ZBTB43: variants seen among roughly 807,000 people sequenced by gnomAD.
The protein encoded by ZBTB43 is zinc finger and BTB domain-containing protein 43.
ZBTB43 carries 6 observed loss-of-function variants against 31.1 expected under a neutral mutation model. The ratio of observed to expected loss-of-function variants is 0.19; its 90% CI spans 0.11 to 0.38. The LOEUF is 0.38. Among genes scored for constraint, ZBTB43 ranks in the 10% least tolerant of loss-of-function variants. ZBTB43 has a pLI of 1.00. For synonymous variants in ZBTB43, 212 were observed against 221.7 expected, an observed-to-expected ratio of 0.96 and a Z score of 0.39; for missense variants, 379 against 602.1, an observed-to-expected ratio of 0.63 and a Z score of 3.88.
intron 2 of ZBTB43, among the ~76,000 whole-genome samples, chr9:126,814,090 C>T (rs1006394155): frequency 6.6e-6 from 1 of 152,022 alleles, no homozygotes; most frequent in Non-Finnish European, 1.5e-5. Flanking sequence ...GATTCTTGTC[C>T]TTTGCCTACT....
At chr9:126,807,705 G>A (rs767598196) in intron 1 of ZBTB43, among the ~76,000 whole-genome samples, 1 of 151,806 alleles carries the variant, frequency 6.6e-6, no homozygotes, top group African/African-American at 2.4e-5. Context: ...GTGCAATCCC[G>A]GCTCACTGCA....
In ZBTB43 at chr9:126,837,567, T is replaced by C. The variant is rs2032908814; in HGVS notation, c.*3654T>C. The C allele has an allele frequency of 6.0e-6, 1 of 167,114 alleles. No individual in the cohort carries two copies. Among genetic ancestry groups the C allele is most frequent in the African/African-American group, 2.4e-5 (1 of 41,440 alleles). 10.4% of individuals were successfully genotyped at this position (167,114 alleles called of 1,614,324 possible). On this transcript the variant is annotated 3_prime_UTR_variant, in exon 3 of 3. Coordinates refer to ENST00000373464, the MANE Select transcript of ZBTB43 (RefSeq NM_014007.4). Reference sequence around the variant, plus strand: ...CTGGGTGGGCGTGGAGAGGGCGCCATCACAACGAGTCCAGGTTTTTGCTTT... The same window carrying C: ...CTGGGTGGGCGTGGAGAGGGCGCCACCACAACGAGTCCAGGTTTTTGCTTT...
At position 126,811,919 on chromosome 9, in the gene ZBTB43, C is replaced by T. The variant is rs144338183; in HGVS notation, c.-24+3004C>T. 6.6e-3 allele frequency among the ~76,000 whole-genome samples: 1,007 copies of T among 152,298 alleles called. 17 individuals carry two copies. Among genetic ancestry groups the T allele is most frequent in the African/African-American group, 0.023 (970 of 41,554 alleles). On this transcript the variant is annotated intron_variant, in intron 2 of 2. Coordinates refer to ENST00000373464, the MANE Select transcript of ZBTB43 (RefSeq NM_014007.4). ...GATTACAGGCGTGAGCCACCGCACCCGGCCACATTACTCTTTTTTAAACAG... is the reference window on the plus strand; with the variant it reads ...GATTACAGGCGTGAGCCACCGCACCTGGCCACATTACTCTTTTTTAAACAG...
At chr9:126,810,763 A>G (rs2032230364) in intron 2 of ZBTB43, among the ~76,000 whole-genome samples, 1 of 150,460 alleles carries the variant, frequency 6.6e-6, no homozygotes, top group Non-Finnish European at 1.5e-5. Flanking sequence ...TCGGCCTCCC[A>G]AAGTACTGGG....
intron 2 of ZBTB43, among the ~76,000 whole-genome samples, chr9:126,810,938 C>T (rs1164513572): frequency 6.6e-6 from 1 of 151,762 alleles, no homozygotes; most frequent in African/African-American, 2.4e-5. Context: ...GTGATATTCA[C>T]AGCCAGGCAC....
chr9:126,812,863 G>A (rs748330644), intron 2 of ZBTB43, among the ~76,000 whole-genome samples: 20 of 152,044 alleles, frequency 1.3e-4, no homozygotes, highest in Admixed American at 3.3e-4. Context: ...TCTGTGGGTT[G>A]TGTGTTCACT....
chr9:126,820,732 C>G (rs996670614), intron 2 of ZBTB43, among the ~76,000 whole-genome samples: 1 of 151,978 alleles, frequency 6.6e-6, no homozygotes, highest in African/African-American at 2.4e-5. Flanking sequence ...CTTCGGGAGG[C>G]CAAGGCAGGC....
intron 1 of ZBTB43, among the ~76,000 whole-genome samples, chr9:126,808,585 A>G (rs892035226): frequency 1.3e-5 from 2 of 152,230 alleles, no homozygotes; most frequent in African/African-American, 4.8e-5. Context: ...GTTTTTTTGA[A>G]AATTTAAAAT....
In ZBTB43 at chr9:126,813,868, T is replaced by C. The variant is rs148115375; in HGVS notation, c.-24+4953T>C. ...TCTCCCCCTCTACTTTTTACATTTCTAGTTTTATCATATTGTGTAATCCAT... is the reference window on the plus strand; with the variant it reads ...TCTCCCCCTCTACTTTTTACATTTCCAGTTTTATCATATTGTGTAATCCAT... On this transcript the variant is annotated intron_variant, in intron 2 of 2. Transcript: ENST00000373464. 2.4e-3 allele frequency among the ~76,000 whole-genome samples: 360 copies of C among 152,322 alleles called. 4 individuals are homozygous for C. Among genetic ancestry groups the C allele is most frequent in the African/African-American group, 8.2e-3 (342 of 41,566 alleles).
chr9:126,816,829 A>G (rs2032395890), intron 2 of ZBTB43, among the ~76,000 whole-genome samples: 1 of 152,196 alleles, frequency 6.6e-6, no homozygotes, highest in Non-Finnish European at 1.5e-5. Context: ...CTGGCAAATG[A>G]TGGCTATGCC....
In ZBTB43 at chr9:126,833,926, G is replaced by T; in HGVS notation, c.*13G>T. 1 of 1,558,810 alleles carries T rather than the reference G, an allele frequency of 6.4e-7. No individual in the cohort carries two copies. The highest frequency in any genetic ancestry group is 8.7e-7 in the Non-Finnish European group (1 of 1,144,356). On this transcript the variant is annotated 3_prime_UTR_variant, in exon 3 of 3. Coordinates refer to ENST00000373464, the MANE Select transcript of ZBTB43 (RefSeq NM_014007.4). The surrounding 1 kb of genome is among the most constrained non-coding windows in gnomAD (Gnocchi z 7.9). ...TGAGGCTAACTAAAAATAGGATCTG[G>T]CCCTTGAGTGGCATGCACAAAAATA...
intron 2 of ZBTB43, among the ~76,000 whole-genome samples, chr9:126,828,175 G>T (rs2032684121): frequency 2.0e-5 from 3 of 151,732 alleles, no homozygotes; most frequent in African/African-American, 7.3e-5. Flanking sequence ...TGTATTAAAG[G>T]TTTTATTATT....
intron 2 of ZBTB43, among the ~76,000 whole-genome samples, chr9:126,814,327 TGTAAA>T (rs1408488518): frequency 1.3e-3 from 200 of 148,174 alleles, no homozygotes; most frequent in South Asian, 2.1e-3. Flanking sequence ...ATCTGTAAAA[TGTAAA>T]TTTTACATCT....
chr9:126,814,343 G>T (rs1443856057), intron 2 of ZBTB43, among the ~76,000 whole-genome samples: 2 of 35,278 alleles, frequency 5.7e-5, no homozygotes, highest in Non-Finnish European at 1.2e-4. Context: ...TTTTACATCT[G>T]TAAAAATTTT....
At chr9:126,807,088 T>A (rs1044855607) in intron 1 of ZBTB43, among the ~76,000 whole-genome samples, 1 of 152,210 alleles carries the variant, frequency 6.6e-6, no homozygotes, top group Non-Finnish European at 1.5e-5. Context: ...ATTTAAGCTG[T>A]CTATTTGCCT....
rs1163874073 is a variant in ZBTB43 at position 126,833,898 on chromosome 9, A to T, written c.1389A>T (p.Thr463=). 6.3e-7 allele frequency: 1 copy of T among 1,576,982 alleles called. No homozygotes were observed. The highest frequency in any genetic ancestry group is 8.7e-7 in the Non-Finnish European group (1 of 1,153,124). Residue 463 remains threonine, a synonymous_variant, in exon 3 of 3, where the codon ACA becomes ACT. Transcript: ENST00000373464. This position sits in a 1 kb window ranked among gnomAD's most constrained non-coding sequence, Gnocchi z 7.9. The stretch of plus-strand genomic sequence containing the variant: ...AAGCTGCAAAGGCTGAGCAGAATAC[A>T]ACTGAGGCTAACTAAAAATAGGATC... ...SYEAAKAEQN[T]TEAN
intron 2 of ZBTB43, chr9:126,832,068 A>C (rs1326817923): frequency 6.1e-6 from 1 of 163,180 alleles, no homozygotes; most frequent in Non-Finnish European, 1.3e-5. Context: ...TCAAGGCTGC[A>C]GTGAACTATG....
intron 2 of ZBTB43, among the ~76,000 whole-genome samples, chr9:126,823,510 C>T (rs1297966125): frequency 6.6e-6 from 1 of 152,114 alleles, no homozygotes; most frequent in Non-Finnish European, 1.5e-5. Context: ...TAAAGTGAGT[C>T]TCATGCTCAC....
chr9:126,830,403 T>G (rs2032739531), intron 2 of ZBTB43, among the ~76,000 whole-genome samples: 1 of 152,192 alleles, frequency 6.6e-6, no homozygotes, highest in South Asian at 2.1e-4. Flanking sequence ...TCCAGCACTT[T>G]GGGAGGCCAG....
Sources: allele counts gnomAD v4.1 joint callset (sites outside exome capture counted in the v4.1 genomes callset), GRCh38; gene constraint gnomAD v4.1.1; non-coding constraint Gnocchi (gnomAD v3.1); transcripts MANE v1.5; gene names NCBI Gene and HGNC (gene_info 2026-07-23, HGNC 2026-07-21).